Variants in KANK1 observed in about 807,000 individuals in gnomAD.
KANK1 encodes KN motif and ankyrin repeat domain-containing protein 1.
KANK1 carries 109 observed loss-of-function variants against 106.2 expected under a neutral mutation model. The observed-to-expected ratio is 1.03, with a 90% CI of 0.88 to 1.20. The LOEUF is 1.20. Among genes scored for constraint, KANK1 ranks in the 50% most tolerant of loss-of-function variants. KANK1 has a pLI of 0.00. For missense variants in KANK1, 2,399 were observed against 1,710.7 expected, an observed-to-expected ratio of 1.40 and a Z score of -7.10; for synonymous variants, 873 against 652.2, an observed-to-expected ratio of 1.34 and a Z score of -5.16.
At chr9:645,688 C>T (rs903567846) in intron 1 of KANK1, among the ~76,000 whole-genome samples, 1 of 150,540 alleles carries the variant, frequency 6.6e-6, no homozygotes. Flanking sequence ...TCGAAACCAG[C>T]CTGGCCAACG....
chr9:508,121 CTTTTTTTTTTTTTTTTTTT>C lies in KANK1; in HGVS notation c.-84+3383_-84+3401del, dbSNP rs71314711. The stretch of plus-strand genomic sequence containing the variant: ...ACAGGTGTGAGACACCCTGCTCAGC[CTTTTTTTTTTTTTTTTTTT>C]TTTTTTTTTTTTTTTGAGATGGAGT... On this transcript the variant is annotated intron_variant, in intron 1 of 11. Transcript: ENST00000382297. 6.3e-3 allele frequency among the ~76,000 whole-genome samples: 249 copies of C among 39,226 alleles called. 3 individuals carry two copies. The highest frequency in any genetic ancestry group is 0.016 in the African/African-American group (216 of 13,588). 25.7% of individuals were successfully genotyped at this position (39,226 alleles called of 152,430 possible). A position where few individuals can be genotyped will look rare whatever the true frequency, so the allele number is the denominator to read the frequency against.
intron 2 of KANK1, chr9:684,158 T>G: frequency 1.0e-6 from 1 of 985,254 alleles, no homozygotes; most frequent in Non-Finnish European, 1.2e-6. Context: ...GTAGCCAGCT[T>G]CGCCTTATAA....
At chr9:741,750 G>GTGCTGGGAT (rs1835622345) in intron 9 of KANK1, among the ~76,000 whole-genome samples, 1 of 152,016 alleles carries the variant, frequency 6.6e-6, no homozygotes, top group Non-Finnish European at 1.5e-5. Context: ...GCCTCCTGAA[G>GTGCTGGGAT]TGCTGGGATT....
rs564730310 is a variant in KANK1 at position 602,323 on chromosome 9, G to A, written c.-83-74567G>A. 5.9e-5 allele frequency among the ~76,000 whole-genome samples: 9 copies of A among 151,854 alleles called. No individual in the cohort carries two copies. In the East Asian group the frequency reaches 1.5e-3, roughly 26 times the overall value. Reference sequence around the variant, plus strand: ...TTGCCAGGCTGGTGTGCAGTGGTGTGGTCTTGGCTCACTGCAACCTCCCGC... The same window carrying A: ...TTGCCAGGCTGGTGTGCAGTGGTGTAGTCTTGGCTCACTGCAACCTCCCGC... On this transcript the variant is annotated intron_variant, in intron 1 of 11. Transcript: ENST00000382297.
chr9:558,772 T>C (rs1233766242), intron 1 of KANK1: 1 of 151,262 alleles, frequency 6.6e-6, no homozygotes, highest in East Asian at 1.9e-4. Flanking sequence ...TGTAGGCTGG[T>C]TTTTTGGCTT....
At chr9:594,382 A>G (rs1332106791) in intron 1 of KANK1, among the ~76,000 whole-genome samples, 1 of 151,916 alleles carries the variant, frequency 6.6e-6, no homozygotes, top group Non-Finnish European at 1.5e-5. Context: ...CTCGTTCTTC[A>G]AAACTTTCTT....
rs1178894723 is a variant in KANK1 at position 742,201 on chromosome 9, A to G, written c.3697-4A>G. 4 of 1,613,622 alleles carry G rather than the reference A, an allele frequency of 2.5e-6. No individual in the cohort carries two copies. The African/African-American group carries it at 4.0e-5, about 16-fold the overall frequency. ...TCTGAAGTCCTTGTCATCTCTTCCC[A>G]TAGGCGGGACAGACGGCCCTCATGC... On this transcript the variant is annotated splice_polypyrimidine_tract_variant and splice_region_variant and intron_variant, in intron 9 of 11. Coordinates refer to ENST00000382297, the MANE Select transcript of KANK1 (RefSeq NM_015158.5).
intron 3 of KANK1, among the ~76,000 whole-genome samples, chr9:723,179 G>A (rs1036070120): frequency 6.6e-6 from 1 of 152,136 alleles, no homozygotes; most frequent in South Asian, 2.1e-4. Flanking sequence ...AGGAGTAGCT[G>A]AGAGGTAAAG....
chr9:678,087 A>G (rs778471331), intron 2 of KANK1, among the ~76,000 whole-genome samples: 4 of 152,280 alleles, frequency 2.6e-5, no homozygotes, highest in South Asian at 4.2e-4. Context: ...CTCAGCTGCA[A>G]TTATCTCCTC....
At chr9:510,987 G>C (rs1356600172) in intron 1 of KANK1, among the ~76,000 whole-genome samples, 1 of 152,178 alleles carries the variant, frequency 6.6e-6, no homozygotes, top group Admixed American at 6.5e-5. Flanking sequence ...GCAAGGCCCT[G>C]GTGGGGGAAA....
At position 676,968 on chromosome 9, in the gene KANK1, C is replaced by T; in HGVS notation, c.-5C>T. 6.2e-7 allele frequency: 1 copy of T among 1,613,514 alleles called. No individual in the cohort carries two copies. The highest frequency in any genetic ancestry group is 8.5e-7 in the Non-Finnish European group (1 of 1,179,612). ...TTCTGGATCTCTCATTGGACTCAAGCCAGCATGGCTCACACCACAAAGGTT... is the reference window on the plus strand; with the variant it reads ...TTCTGGATCTCTCATTGGACTCAAGTCAGCATGGCTCACACCACAAAGGTT... On this transcript the variant is annotated 5_prime_UTR_variant, in exon 2 of 12. Transcript: ENST00000382297.
chr9:690,201 G>C (rs1294802590), intron 2 of KANK1, among the ~76,000 whole-genome samples: 1 of 148,312 alleles, frequency 6.7e-6, no homozygotes, highest in African/African-American at 2.5e-5. Flanking sequence ...AGCTATTTAG[G>C]AGACTGAGGC....
intron 5 of KANK1, 107 bp from the exon 6 acceptor site, chr9:732,271 A>G: frequency 7.4e-7 from 1 of 1,346,330 alleles, no homozygotes; most frequent in Non-Finnish European, 1.0e-6. Flanking sequence ...ATCTAAAACC[A>G]CTAGTGAAAT....
intron 1 of KANK1, among the ~76,000 whole-genome samples, chr9:513,394 G>A (rs1387383726): frequency 6.6e-6 from 1 of 152,156 alleles, no homozygotes; most frequent in African/African-American, 2.4e-5. Flanking sequence ...AGTGTCAGGA[G>A]CCCTGTAACT....
chr9:702,983 C>T (rs1315048170), intron 2 of KANK1, among the ~76,000 whole-genome samples: 1 of 151,798 alleles, frequency 6.6e-6, no homozygotes, highest in Non-Finnish European at 1.5e-5. Context: ...GGAGTGGGGG[C>T]GGGGTTGTTG....
intron 1 of KANK1, among the ~76,000 whole-genome samples, chr9:569,116 A>G (rs1232498755): frequency 6.6e-6 from 1 of 152,008 alleles, no homozygotes; most frequent in African/African-American, 2.4e-5. Context: ...CTGACACACT[A>G]CTGTATCCAG....
chr9:691,287 T>TA (rs1161881402), intron 2 of KANK1, among the ~76,000 whole-genome samples: 1 of 134,010 alleles, frequency 7.5e-6, no homozygotes, highest in African/African-American at 2.7e-5. Context: ...ACACAATATT[T>TA]ATGAATGTAG....
chr9:574,696 A>G (rs1326566088), intron 1 of KANK1, among the ~76,000 whole-genome samples: 2 of 151,812 alleles, frequency 1.3e-5, no homozygotes, highest in African/African-American at 4.8e-5. Flanking sequence ...CTCTACTAAA[A>G]ATACAAAAAT....
At position 608,363 on chromosome 9, in the gene KANK1, C is replaced by T. The variant is rs918609813; in HGVS notation, c.-83-68527C>T. Among the ~76,000 whole-genome samples the T allele has an allele frequency of 1.4e-4, 21 of 151,936 alleles. 1 individual carries two copies. The highest frequency in any genetic ancestry group is 5.1e-4 in the African/African-American group (21 of 41,248). ...ACAATAAGTTTCATTTGTTGTATAG[C>T]ACATTCTACGTGACCATAGACCAAC... is the stretch of plus-strand genomic sequence containing the variant. On this transcript the variant is annotated intron_variant, in intron 1 of 11. Transcript: ENST00000382297.
Sources: gnomAD v4.1 joint callset for allele counts (sites outside exome capture counted in the v4.1 genomes callset) on GRCh38, gnomAD v4.1.1 for gene constraint, MANE v1.5 for transcripts, NCBI Gene and HGNC (gene_info 2026-07-23, HGNC 2026-07-21) for gene names.